The following RGS6 variants were observed in gnomAD, a reference collection of about 807,000 sequenced individuals.
The protein encoded by RGS6 is regulator of G protein signaling 6.
Under a neutral mutation model 78.5 loss-of-function variants are expected in RGS6, and 30 were observed. The ratio of observed to expected loss-of-function variants is 0.38; its 90% confidence interval spans 0.29 to 0.52. The LOEUF is 0.52. Among genes scored for constraint, RGS6 ranks in the 20% least tolerant of loss-of-function variants. RGS6 has a pLI of 0.85. For missense variants in RGS6, 495 were observed against 609.7 expected (o/e 0.81, Z 1.98); for synonymous variants, 206 against 206.0 (o/e 1.00, Z 0.00).
At chr14:71,974,263 G>A (rs1489108348) in intron 2 of RGS6, among the ~76,000 whole-genome samples, 1 of 152,168 alleles carries the variant, frequency 6.6e-6, no homozygotes, top group African/African-American at 2.4e-5. Context: ...ATAATTGGAG[G>A]ATAGAAGGAT....
intron 2 of RGS6, among the ~76,000 whole-genome samples, chr14:72,114,690 C>G (rs972483745): frequency 6.6e-6 from 1 of 152,136 alleles, no homozygotes; most frequent in Non-Finnish European, 1.5e-5. Context: ...ATTTAATGCA[C>G]AGAATCAGAG....
the RGS6 span, among the ~76,000 whole-genome samples, chr14:71,921,261 T>C: frequency 1.3e-5 from 2 of 152,034 alleles, no homozygotes; most frequent in Admixed American, 6.6e-5. Flanking sequence ...GTAATGTAAA[T>C]TAGTAAAGCC....
At chr14:71,948,387 C>T (rs1478405675) in intron 1 of RGS6, among the ~76,000 whole-genome samples, 4 of 152,178 alleles carry the variant, frequency 2.6e-5, no homozygotes, top group African/African-American at 9.7e-5. Flanking sequence ...CCTTCATCAT[C>T]CCTGCAATTA....
chr14:72,476,797 G>A lies in RGS6; in HGVS notation c.749G>A (p.Ser250Asn). The A allele has an allele frequency of 6.2e-7, 1 of 1,614,216 alleles. No individual in the cohort carries two copies. Among genetic ancestry groups the A allele is most frequent in the Non-Finnish European group, 8.5e-7 (1 of 1,180,036 alleles). ...SQAQSPVHVL[S>N]QPIRKTTKED... ...GCACAGAGCCCGGTGCATGTACTCA[G>A]CCAACCAATCAGGAAAACAACAAAA... Residue 250 changes from serine (S) to asparagine (N), a missense_variant, in exon 11 of 18, where the codon AGC becomes AAC. Physicochemically the swap from Ser to Asn is conservative, Grantham distance 46. Coordinates refer to ENST00000553525, the MANE Select transcript of RGS6 (RefSeq NM_001204424.2).
intron 2 of RGS6, among the ~76,000 whole-genome samples, chr14:72,097,538 AAACAGG>A (rs2095433986): frequency 6.6e-6 from 1 of 152,222 alleles, no homozygotes; most frequent in African/African-American, 2.4e-5. Flanking sequence ...TCTTGCTAAG[AAACAGG>A]AAGGCCGCAA....
rs2096250744 is a variant in RGS6, at chr14:72,476,737, C to T, written c.694-5C>T. The stretch of plus-strand genomic sequence containing the variant: ...ATGATCCTCTGTGCTTGCTTCTTCT[C>T]CTAGTCCGTGTATGGCGTGACTGAA... On this transcript the variant is annotated splice_region_variant and splice_polypyrimidine_tract_variant and intron_variant, in intron 10 of 17. Transcript: ENST00000553525. The T allele has an allele frequency of 5.0e-6, 8 of 1,613,682 alleles. No individual in the cohort carries two copies. The highest frequency in any genetic ancestry group is 5.9e-6 in the Non-Finnish European group (7 of 1,179,692).
the RGS6 span, among the ~76,000 whole-genome samples, chr14:71,910,879 G>T: frequency 6.6e-6 from 1 of 152,150 alleles, no homozygotes; most frequent in Non-Finnish European, 1.5e-5. Flanking sequence ...ATTCCTTGAG[G>T]TCTGCGTGGA....
chr14:72,107,182 T>A (rs896879075), intron 2 of RGS6, among the ~76,000 whole-genome samples: 68 of 152,082 alleles, frequency 4.5e-4, no homozygotes, highest in Admixed American at 1.3e-3. Flanking sequence ...ATTTACCTAA[T>A]TTTCAAGATA....
intron 3 of RGS6, among the ~76,000 whole-genome samples, chr14:72,412,784 T>C (rs1299569200): frequency 1.3e-5 from 2 of 152,162 alleles, no homozygotes; most frequent in African/African-American, 2.4e-5. Flanking sequence ...TTCTCTTTGG[T>C]TTCAAAGAAC....
At chr14:71,873,778 T>G in the RGS6 span, among the ~76,000 whole-genome samples, 1 of 152,270 alleles carries the variant, frequency 6.6e-6, no homozygotes, top group African/African-American at 2.4e-5. Context: ...GTTTTAGGTC[T>G]GACAATTAAG....
At chr14:71,929,329 G>T (rs796645687), upstream of RGS6, among the ~76,000 whole-genome samples, 76 of 152,270 alleles carry the variant, frequency 5.0e-4, no homozygotes, top group African/African-American at 1.8e-3. Flanking sequence ...TCATAGTCTT[G>T]ACATTTTTAA....
chr14:71,895,465 G>T, the RGS6 span, among the ~76,000 whole-genome samples: 1 of 152,182 alleles, frequency 6.6e-6, no homozygotes, highest in African/African-American at 2.4e-5. Flanking sequence ...GGGATTACAG[G>T]CATGAGCCAC....
chr14:72,321,170 A>G (rs939813779), intron 2 of RGS6, among the ~76,000 whole-genome samples: 1 of 151,984 alleles, frequency 6.6e-6, no homozygotes, highest in Admixed American at 6.6e-5. Flanking sequence ...CAAGAAACAG[A>G]GAAGTTAAAT....
Position 72,181,182 on chromosome 14 carries a change from A to G in RGS6, c.85-170913A>G, listed in dbSNP as rs1288484979. Among the ~76,000 whole-genome samples the G allele has an allele frequency of 4.6e-5, 7 of 152,324 alleles. No homozygotes were observed. The East Asian group carries it at 1.3e-3, about 29-fold the overall frequency. On this transcript the variant is annotated intron_variant, in intron 2 of 17. Transcript: ENST00000553525. ...ATTATAATTCACATCAGAGAAAGCT[A>G]TTGTTAAAATATTTTGGTTAGTTCA... is the stretch of plus-strand genomic sequence containing the variant.
intron 2 of RGS6, among the ~76,000 whole-genome samples, chr14:72,240,973 A>G (rs778971704): frequency 6.6e-6 from 1 of 152,080 alleles, no homozygotes; most frequent in Middle Eastern, 3.2e-3. Flanking sequence ...CTTGGCCAAC[A>G]TGGTGAAACC....
intron 3 of RGS6, among the ~76,000 whole-genome samples, chr14:72,379,037 T>C (rs749501943): frequency 2.6e-5 from 4 of 152,042 alleles, no homozygotes; most frequent in Non-Finnish European, 5.9e-5. Context: ...CATATGCAAA[T>C]CAATAAATAT....
chr14:72,150,695 C>T (rs1033209387), intron 2 of RGS6, among the ~76,000 whole-genome samples: 1 of 151,932 alleles, frequency 6.6e-6, no homozygotes, highest in Non-Finnish European at 1.5e-5. Context: ...AACCAGATCT[C>T]GTAAGAACTC....
At chr14:71,968,007 T>G (rs774264598) in intron 2 of RGS6, among the ~76,000 whole-genome samples, 1 of 152,184 alleles carries the variant, frequency 6.6e-6, no homozygotes, top group Non-Finnish European at 1.5e-5. Context: ...TAATTTAGTT[T>G]TTCATCCCTC....
chr14:72,211,711 A>G (rs1033920839), intron 2 of RGS6, among the ~76,000 whole-genome samples: 1 of 152,164 alleles, frequency 6.6e-6, no homozygotes, highest in Non-Finnish European at 1.5e-5. Flanking sequence ...TGGGATACGA[A>G]GTTCAACTGC....
Sources: gnomAD v4.1 joint callset for allele counts (sites outside exome capture counted in the v4.1 genomes callset) on GRCh38, gnomAD v4.1.1 for gene constraint, MANE v1.5 for transcripts, NCBI Gene and HGNC (gene_info 2026-07-23, HGNC 2026-07-21) for gene names.